The following COG3 variants were observed in gnomAD, a reference collection of about 807,000 sequenced individuals.
COG3 encodes the protein conserved oligomeric Golgi complex subunit 3.
In COG3, 32 loss-of-function variants were observed where a neutral mutation model predicts 114.1. That is an observed-to-expected ratio of 0.28 (90% CI 0.21 to 0.38). COG3 has a LOEUF of 0.38. COG3 is among the 10% of genes least tolerant of loss of function. The pLI is 1.00. For synonymous variants in COG3, 352 were observed against 365.7 expected (o/e 0.96, Z 0.43); for missense variants, 813 against 973.2 (o/e 0.84, Z 2.19).
chr13:45,516,267 C>G lies in COG3; in HGVS notation c.1930+4C>G. ...CTGGACCTCAAGAAAACTAGAGGTA[C>G]TTTGCTGTCCTGGCTGGCACACTTG... On this transcript the variant is annotated splice_donor_region_variant and intron_variant, in intron 17 of 22. Transcript: ENST00000349995. 1.0e-5 allele frequency: 16 copies of G among 1,580,804 alleles called. No homozygotes were observed. Among genetic ancestry groups the G allele is most frequent in the Non-Finnish European group, 1.4e-5 (16 of 1,158,444 alleles).
intron 20 of COG3, among the ~76,000 whole-genome samples, chr13:45,528,733 T>G (rs1030355609): frequency 6.6e-6 from 1 of 152,198 alleles, no homozygotes; most frequent in African/African-American, 2.4e-5. Context: ...CATATCCAAC[T>G]TGATCCATTC....
chr13:45,476,950 G>A (rs900076382), intron 2 of COG3, among the ~76,000 whole-genome samples: 1 of 152,158 alleles, frequency 6.6e-6, no homozygotes, highest in African/African-American at 2.4e-5. Context: ...AGTAAGTTGA[G>A]AGAGGCAGTT....
At chr13:45,527,801 C>G (rs1872820412) in intron 20 of COG3, among the ~76,000 whole-genome samples, 3 of 152,116 alleles carry the variant, frequency 2.0e-5, no homozygotes, top group African/African-American at 7.2e-5. Flanking sequence ...ATGATAGAAC[C>G]AGGGCCCATG....
At chr13:45,489,262 CAAA>C (rs377551623) in intron 8 of COG3, among the ~76,000 whole-genome samples, 3,320 of 43,592 alleles carry the variant, frequency 0.076, 354 homozygotes, top group South Asian at 0.11. Flanking sequence ...GACCCAGCCT[CAAA>C]AAAAAAAAAA....
chr13:45,514,157 C>CTTTTTTTTTTT (rs57033822), intron 16 of COG3, among the ~76,000 whole-genome samples: 1 of 93,858 alleles, frequency 1.1e-5, no homozygotes, highest in Non-Finnish European at 2.0e-5. Flanking sequence ...TGTCCTCTCT[C>CTTTTTTTTTTT]TTTTTTTTTT....
chr13:45,517,690 G>C (rs2137900894), intron 17 of COG3, among the ~76,000 whole-genome samples: 1 of 152,212 alleles, frequency 6.6e-6, no homozygotes, highest in South Asian at 2.1e-4. Flanking sequence ...ATTCCTTTCA[G>C]TGTGAGGTGT....
intron 11 of COG3, among the ~76,000 whole-genome samples, chr13:45,492,877 CA>C (rs760670494): frequency 6.6e-5 from 10 of 152,232 alleles, no homozygotes; most frequent in East Asian, 5.8e-4. Context: ...TAAAATTTCT[CA>C]AAATACTTGG....
chr13:45,493,127 T>C (rs894185010), intron 11 of COG3, among the ~76,000 whole-genome samples: 3 of 152,198 alleles, frequency 2.0e-5, no homozygotes, highest in Admixed American at 6.5e-5. Context: ...CTACTTTGAA[T>C]TGACTGCTGT....
intron 19 of COG3, among the ~76,000 whole-genome samples, chr13:45,519,622 C>G (rs1207548622): frequency 6.6e-6 from 1 of 152,194 alleles, no homozygotes; most frequent in African/African-American, 2.4e-5. Context: ...TTGGTGGTCT[C>G]TTCCTGGAAA....
Position 45,527,081 on chromosome 13 carries a change from C to T in COG3, c.2230+2030C>T, listed in dbSNP as rs575157134. Among the ~76,000 whole-genome samples the T allele has an allele frequency of 6.6e-5, 10 of 152,218 alleles. No individual in the cohort carries two copies. The South Asian group carries it at 1.7e-3, about 25-fold the overall frequency. On this transcript the variant is annotated intron_variant, in intron 20 of 22. Coordinates refer to ENST00000349995, the MANE Select transcript of COG3 (RefSeq NM_031431.4). ...AAAGGTAGAAACCAGTACAGCTAAG[C>T]CCAGTGTCTTGATGCATAATTAACG...
At chr13:45,511,703 A>G (rs1870884647) in intron 15 of COG3, 62 bp from the exon 16 acceptor site, 4 of 1,239,654 alleles carry the variant, frequency 3.2e-6, no homozygotes, top group East Asian at 4.6e-5. Flanking sequence ...ACAGCCTAGG[A>G]TATTCCTTTT....
At chr13:45,496,700 G>A (rs1474604122) in intron 13 of COG3, among the ~76,000 whole-genome samples, 2 of 151,888 alleles carry the variant, frequency 1.3e-5, no homozygotes, top group Non-Finnish European at 2.9e-5. Flanking sequence ...TTGAGATGGA[G>A]TCTTGCTCTG....
intron 13 of COG3, among the ~76,000 whole-genome samples, chr13:45,500,072 G>GTA (rs1246157070): frequency 2.1e-4 from 10 of 48,392 alleles, no homozygotes; most frequent in African/African-American, 5.6e-4. Context: ...GTGTGAGTGT[G>GTA]TGTGTGTGTG....
chr13:45,470,912 T>G (rs1423635838), intron 1 of COG3, among the ~76,000 whole-genome samples: 1 of 152,252 alleles, frequency 6.6e-6, no homozygotes, highest in East Asian at 1.9e-4. Context: ...CAGTAGAAAG[T>G]GTACCTGTGG....
In COG3 at chr13:45,534,455, C is replaced by T. The variant is rs1003889040; in HGVS notation, c.2458-247C>T. The T allele has an allele frequency of 1.6e-5, 6 of 365,634 alleles. No individual in the cohort carries two copies. In the Admixed American group the frequency reaches 2.9e-4, roughly 18 times the overall value. 22.6% of individuals were successfully genotyped at this position (365,634 alleles called of 1,614,324 possible). ...CCATGTTTACTGGTCTCATAAAAAT[C>T]TTGGTCTTTTTCTCTCATTCTGTTT... On this transcript the variant is annotated intron_variant, in intron 22 of 22. Coordinates refer to ENST00000349995, the MANE Select transcript of COG3 (RefSeq NM_031431.4).
intron 2 of COG3, among the ~76,000 whole-genome samples, chr13:45,478,146 T>C (rs1002135591): frequency 1.3e-5 from 2 of 152,040 alleles, no homozygotes; most frequent in Non-Finnish European, 2.9e-5. Flanking sequence ...ACTGTGAAAA[T>C]GGTCAGTTTT....
intron 7 of COG3, among the ~76,000 whole-genome samples, chr13:45,485,079 C>G (rs1314085667): frequency 7.1e-6 from 1 of 141,830 alleles, no homozygotes; most frequent in East Asian, 2.2e-4. Flanking sequence ...ACAAAGCTGC[C>G]ATTGTCATCC....
chr13:45,513,216 TA>T (rs1555298485), intron 16 of COG3, among the ~76,000 whole-genome samples: 1 of 11,996 alleles, frequency 8.3e-5, no homozygotes, highest in Admixed American at 2.4e-3. Flanking sequence ...ACATATAAAT[TA>T]TATATATATA....
chr13:45,474,413 C>T (rs546069362), intron 1 of COG3, among the ~76,000 whole-genome samples: 7 of 152,174 alleles, frequency 4.6e-5, no homozygotes, highest in South Asian at 2.1e-4. Flanking sequence ...CCGCCCACCT[C>T]AGCCTCCCAA....
Sources: gnomAD v4.1 joint callset for allele counts (sites outside exome capture counted in the v4.1 genomes callset) on GRCh38, gnomAD v4.1.1 for gene constraint, MANE v1.5 for transcripts, NCBI Gene and HGNC (gene_info 2026-07-23, HGNC 2026-07-21) for gene names.